Variants in ZDHHC13 observed in about 807,000 individuals in gnomAD.
The protein encoded by ZDHHC13 is zDHHC palmitoyltransferase 13.
ZDHHC13 carries 85 observed loss-of-function variants against 86.0 expected under a neutral mutation model. That is an observed-to-expected ratio of 0.99 (90% CI 0.83 to 1.18). ZDHHC13 has a LOEUF of 1.18. ZDHHC13 is among the 50% of genes most tolerant of loss of function. ZDHHC13 has a pLI of 0.00. For missense variants in ZDHHC13, 711 were observed against 730.2 expected (o/e 0.97, Z 0.30); for synonymous variants, 263 against 246.4 (o/e 1.07, Z -0.63).
chr11:19,128,059 GAT>G (rs1379058566), intron 1 of ZDHHC13, among the ~76,000 whole-genome samples: 7 of 152,240 alleles, frequency 4.6e-5, no homozygotes, highest in African/African-American at 1.4e-4. Context: ...CCATTTTCAT[GAT>G]ATTGATTCTT....
intron 1 of ZDHHC13, among the ~76,000 whole-genome samples, chr11:19,127,849 G>A (rs777104231): frequency 1.3e-5 from 2 of 152,132 alleles, no homozygotes; most frequent in Non-Finnish European, 2.9e-5. Flanking sequence ...TTTGGTTATT[G>A]TAGTGCTATA....
At chr11:19,157,202 A>G (rs1269370480) in intron 9 of ZDHHC13, among the ~76,000 whole-genome samples, 1 of 152,176 alleles carries the variant, frequency 6.6e-6, no homozygotes, top group African/African-American at 2.4e-5. Context: ...GTAGCACTTA[A>G]TCACTTTCCT....
At position 19,128,420 on chromosome 11, in the gene ZDHHC13, C is replaced by T. The variant is rs1848922084; in HGVS notation, c.27+11144C>T. On this transcript the variant is annotated intron_variant, in intron 1 of 16. Transcript: ENST00000446113. ...CAGCGATAGTTTGACTTCCTCTCTT[C>T]CTATTTGGATGCCCTTTATTTCTTT... Among the ~76,000 whole-genome samples the T allele has an allele frequency of 2.6e-5, 4 of 152,118 alleles. No individual in the cohort carries two copies. In the South Asian group the frequency reaches 8.3e-4, roughly 32 times the overall value.
chr11:19,163,784 C>T (rs1849978252), intron 11 of ZDHHC13, among the ~76,000 whole-genome samples: 1 of 152,082 alleles, frequency 6.6e-6, no homozygotes, highest in Non-Finnish European at 1.5e-5. Flanking sequence ...AGTCCTTCTG[C>T]TTATTGGCTG....
chr11:19,147,778 C>CCG lies in ZDHHC13; in HGVS notation c.374+106_374+107insGC, dbSNP rs1250086792. Reference sequence around the variant, plus strand: ...TTGAAAGGCTGTCTTTTCTTCCCCCCCCCCCTTTATTTAAAAATAAATTTC... The same window carrying CCG: ...TTGAAAGGCTGTCTTTTCTTCCCCCCCGCCCCCTTTATTTAAAAATAAATTTC... On this transcript the variant is annotated intron_variant, in intron 4 of 16. Transcript: ENST00000446113. 2.3e-5 allele frequency: 18 copies of CCG among 766,116 alleles called. 2 individuals are homozygous for CCG. The highest frequency in any genetic ancestry group is 9.4e-5 in the South Asian group (3 of 31,918). The allele number at this position is 766,116 out of a possible 1,614,324, so 47.5% of individuals were successfully genotyped here.
chr11:19,165,838 G>A lies in ZDHHC13; in HGVS notation c.1391-464G>A, dbSNP rs537799055. ...CTGGGTATGATTTGTCCAAAATCCC[G>A]CCTGGTTCCCTTACTTCTGTCACAG... is the stretch of plus-strand genomic sequence containing the variant. On this transcript the variant is annotated intron_variant, in intron 13 of 16. Transcript: ENST00000446113. Among the ~76,000 whole-genome samples the A allele has an allele frequency of 1.3e-4, 20 of 152,310 alleles. No individual in the cohort carries two copies. In the South Asian group the frequency reaches 1.7e-3, roughly 13 times the overall value.
intron 7 of ZDHHC13, 76 bp from the exon 8 acceptor site, chr11:19,152,483 G>T (rs1849639495): frequency 9.5e-6 from 14 of 1,468,968 alleles, no homozygotes; most frequent in Non-Finnish European, 1.3e-5. Context: ...CTATGATTCT[G>T]GTGTTTTTAA....
At chr11:19,152,717 G>C in intron 8 of ZDHHC13, 33 bp downstream of exon 8, 1 of 1,611,176 alleles carries the variant, frequency 6.2e-7, no homozygotes, top group Non-Finnish European at 8.5e-7. Flanking sequence ...CTATGGGATA[G>C]ATGACTTTTT....
chr11:19,141,005 T>C (rs2133396466), intron 1 of ZDHHC13, among the ~76,000 whole-genome samples: 2 of 151,652 alleles, frequency 1.3e-5, no homozygotes, highest in South Asian at 4.2e-4. Context: ...GCATGGCACA[T>C]GTATACATAT....
At chr11:19,143,205 T>C in intron 2 of ZDHHC13, 82 bp downstream of exon 2, 1 of 1,417,504 alleles carries the variant, frequency 7.1e-7, no homozygotes, top group Non-Finnish European at 9.5e-7. Flanking sequence ...GAGCTTCATA[T>C]GTTTACCTCT....
At position 19,152,145 on chromosome 11, in the gene ZDHHC13, T is replaced by C; in HGVS notation, c.585-13T>C. ...CTGTTAATGCCTCTTGGTATTTTAT[T>C]ATTTTGAGACAGGCCAGAACCAACT... On this transcript the variant is annotated splice_polypyrimidine_tract_variant and intron_variant, in intron 6 of 16. Transcript: ENST00000446113. 1 of 1,609,202 alleles carries C rather than the reference T, an allele frequency of 6.2e-7. No individual in the cohort carries two copies. The highest frequency in any genetic ancestry group is 1.3e-5 in the African/African-American group (1 of 74,828).
At chr11:19,149,040 A>T in intron 4 of ZDHHC13, 147 bp from the exon 5 acceptor site, 1 of 660,356 alleles carries the variant, frequency 1.5e-6, no homozygotes. Flanking sequence ...AAACGTTTGG[A>T]CAATCACCAT....
chr11:19,124,231 TGAA>T (rs1565017796), intron 1 of ZDHHC13, among the ~76,000 whole-genome samples: 1 of 152,086 alleles, frequency 6.6e-6, no homozygotes, highest in Non-Finnish European at 1.5e-5. Context: ...AAAAGCAAGT[TGAA>T]GAATAATGTA....
chr11:19,132,274 T>C (rs1849017747), intron 1 of ZDHHC13, among the ~76,000 whole-genome samples: 1 of 152,212 alleles, frequency 6.6e-6, no homozygotes. Flanking sequence ...AGTCTGATTT[T>C]AGGCTTCTCT....
intron 1 of ZDHHC13, among the ~76,000 whole-genome samples, chr11:19,136,919 C>T (rs1283296558): frequency 6.6e-6 from 1 of 151,900 alleles, no homozygotes; most frequent in Non-Finnish European, 1.5e-5. Context: ...CCTGAAAGCG[C>T]TAAACATGGA....
rs557499518 is a variant in ZDHHC13, at chr11:19,140,436, G to A, written c.28-2542G>A. 6.5e-3 allele frequency among the ~76,000 whole-genome samples: 989 copies of A among 152,198 alleles called. 9 individuals are homozygous for A. Among genetic ancestry groups the A allele is most frequent in the African/African-American group, 0.023 (934 of 41,458 alleles). On this transcript the variant is annotated intron_variant, in intron 1 of 16. Coordinates refer to ENST00000446113, the MANE Select transcript of ZDHHC13 (RefSeq NM_019028.3). ...AAACAACAGGTGCTGGAGAGGATGTGGAGAAATAGGAACACTTTTCAACTT... is the reference window on the plus strand; with the variant it reads ...AAACAACAGGTGCTGGAGAGGATGTAGAGAAATAGGAACACTTTTCAACTT...
chr11:19,153,870 T>C (rs1849684218), intron 8 of ZDHHC13, among the ~76,000 whole-genome samples: 2 of 152,076 alleles, frequency 1.3e-5, no homozygotes. Context: ...TTTTTTTTTT[T>C]TGTCATACCA....
Position 19,164,326 on chromosome 11 carries a change from G to T in ZDHHC13, c.1259G>T (p.Gly420Val). Residue 420 changes from glycine to valine, a missense_variant, in exon 12 of 17, where the codon GGC (glycine) becomes GTC (valine). Physicochemically the swap from Gly to Val is moderately radical, Grantham distance 109. Coordinates refer to ENST00000446113, the MANE Select transcript of ZDHHC13 (RefSeq NM_019028.3). ...AATATCATCACCCTTGCAGAAACTG[G>T]CTCTCTGGACTTCAGAACATTTTGT... ...KVNIITLAETGSLDFRTFCTS... is the reference protein window; with the variant it reads ...KVNIITLAETVSLDFRTFCTS... 2 of 1,613,114 alleles carry T rather than the reference G, an allele frequency of 1.2e-6. No homozygotes were observed. Among genetic ancestry groups the T allele is most frequent in the Non-Finnish European group, 1.7e-6 (2 of 1,179,518 alleles).
chr11:19,164,499 C>A lies in ZDHHC13; in HGVS notation c.1296+136C>A, dbSNP rs919978456. On this transcript the variant is annotated intron_variant, in intron 12 of 16. Transcript: ENST00000446113. ...CCCATTTCTAATTTTACATTCCTGT[C>A]TGAACAGCTTTCTGTCTTGAACATA... 6.3e-6 allele frequency: 5 copies of A among 795,890 alleles called. No homozygotes were observed. In the African/African-American group the frequency reaches 8.7e-5, roughly 14 times the overall value. The allele number at this position is 795,890 out of a possible 1,614,324, so 49.3% of individuals were successfully genotyped here.
Sources: gnomAD v4.1 joint callset for allele counts (sites outside exome capture counted in the v4.1 genomes callset) on GRCh38, gnomAD v4.1.1 for gene constraint, MANE v1.5 for transcripts, NCBI Gene and HGNC (gene_info 2026-07-23, HGNC 2026-07-21) for gene names.